PDLIM1: variants seen among roughly 807,000 people sequenced by gnomAD.
The protein encoded by PDLIM1 is PDZ and LIM domain 1, also known as PDZ and LIM domain protein 1.
Under a neutral mutation model 35.2 loss-of-function variants are expected in PDLIM1, and 25 were observed. The ratio of observed to expected loss-of-function variants is 0.71; its 90% CI spans 0.52 to 0.99. The LOEUF is 0.99. Among genes scored for constraint, PDLIM1 ranks in the 50% least tolerant of loss-of-function variants. The pLI is 0.00. For synonymous variants in PDLIM1, 152 were observed against 154.0 expected, an observed-to-expected ratio of 0.99 and a Z score of 0.10; for missense variants, 363 against 415.3, an observed-to-expected ratio of 0.87 and a Z score of 1.09.
At chr10:95,289,992 T>C (rs1287459458) in intron 1 of PDLIM1, among the ~76,000 whole-genome samples, 4 of 152,172 alleles carry the variant, frequency 2.6e-5, no homozygotes, top group African/African-American at 9.7e-5. Flanking sequence ...CCTGGGGGTT[T>C]CACTTTATTA....
At chr10:95,252,812 A>G (rs1461974386) in intron 4 of PDLIM1, among the ~76,000 whole-genome samples, 1 of 152,200 alleles carries the variant, frequency 6.6e-6, no homozygotes, top group East Asian at 1.9e-4. Context: ...TGGAAGGTGA[A>G]TATTAGAAAT....
At chr10:95,247,137 T>C in intron 5 of PDLIM1, 78 bp downstream of exon 5, 18 of 1,322,296 alleles carry the variant, frequency 1.4e-5, no homozygotes, top group Non-Finnish European at 1.9e-5. Flanking sequence ...CAGAGTGTGT[T>C]CACCTGTGCT....
At chr10:95,240,709 A>C (rs755950354) in intron 5 of PDLIM1, among the ~76,000 whole-genome samples, 2 of 152,230 alleles carry the variant, frequency 1.3e-5, no homozygotes, top group Non-Finnish European at 2.9e-5. Context: ...TCACAGATAG[A>C]ACAAAACCAT....
chr10:95,269,951 G>A (rs879550892), intron 2 of PDLIM1, among the ~76,000 whole-genome samples: 1 of 151,964 alleles, frequency 6.6e-6, no homozygotes, highest in Non-Finnish European at 1.5e-5. Context: ...TGGCCAGGCT[G>A]GTCTTGAACT....
chr10:95,268,805 G>T lies in PDLIM1; in HGVS notation c.306C>A (p.Tyr102Ter). ...GGGGTTCAGAGGCTAAATTCATCTT[G>T]TATGGATGACGCTTCCCTTCCTCCG... is the stretch of plus-strand genomic sequence containing the variant. The part of the protein sequence containing the change: ...LVTEEGKRHP[Y>*]KMNLASEPQE... The change falls in exon 3 of 7, where the codon TAC (tyrosine) becomes TAA (stop). Residue 102 changes from tyrosine to a stop codon, truncating the protein, a stop_gained. Transcript: ENST00000329399. LOFTEE classifies it high-confidence loss of function. 6.2e-7 allele frequency: 1 copy of T among 1,612,936 alleles called. No individual in the cohort carries two copies. The highest frequency in any genetic ancestry group is 1.1e-5 in the South Asian group (1 of 91,060).
rs559276866 is a variant in PDLIM1 at position 95,263,570 on chromosome 10, G to A, written c.533+294C>T. ...GGACTATGTTCAATTAGAAGATGAT[G>A]ACCACAGAAATCAAAACACAAATAA... is the stretch of plus-strand genomic sequence containing the variant. On this transcript the variant is annotated intron_variant, in intron 4 of 6. Transcript: ENST00000329399. Among the ~76,000 whole-genome samples, 200 of 152,202 alleles carry A rather than the reference G, an allele frequency of 1.3e-3. 1 individual carries two copies. The highest frequency in any genetic ancestry group is 2.3e-3 in the Non-Finnish European group (155 of 68,044).
At chr10:95,260,555 G>A in intron 4 of PDLIM1, among the ~76,000 whole-genome samples, 1 of 152,134 alleles carries the variant, frequency 6.6e-6, no homozygotes, top group East Asian at 1.9e-4. Context: ...GTGTGCACTG[G>A]GAGGAAGGGC....
chr10:95,289,849 C>T (rs368990740), intron 1 of PDLIM1, among the ~76,000 whole-genome samples: 17 of 152,348 alleles, frequency 1.1e-4, no homozygotes, highest in East Asian at 7.7e-4. Context: ...TCCCTTTCCT[C>T]ATTCGAGGTA....
At chr10:95,245,506 T>C (rs1280812519) in intron 5 of PDLIM1, among the ~76,000 whole-genome samples, 2 of 152,214 alleles carry the variant, frequency 1.3e-5, no homozygotes, top group African/African-American at 4.8e-5. Flanking sequence ...TGGGCACGGA[T>C]GAACTTGACC....
In PDLIM1 at chr10:95,290,711, C is replaced by T; in HGVS notation, c.96+109G>A. ...GCTCAACTAACAGCGCACCTGGACGCGCCCGGCTGCGGTTCCGACTCCGTC... is the reference window on the plus strand; with the variant it reads ...GCTCAACTAACAGCGCACCTGGACGTGCCCGGCTGCGGTTCCGACTCCGTC... On this transcript the variant is annotated intron_variant, in intron 1 of 6. Coordinates refer to ENST00000329399, the MANE Select transcript of PDLIM1 (RefSeq NM_020992.4). This position sits in a 1 kb window ranked among gnomAD's most constrained non-coding sequence, Gnocchi z 4.7. 2 of 598,594 alleles carry T rather than the reference C, an allele frequency of 3.3e-6. No homozygotes were observed. The highest frequency in any genetic ancestry group is 5.3e-6 in the Non-Finnish European group (2 of 374,416). The allele number at this position is 598,594 out of a possible 1,614,324, so 37.1% of individuals were successfully genotyped here. A position where few individuals can be genotyped will look rare whatever the true frequency, so the allele number is the denominator to read the frequency against.
rs75912745 is a variant in PDLIM1 at position 95,253,171 on chromosome 10, A to T, written c.534-5805T>A. Among the ~76,000 whole-genome samples, 1,158 of 152,286 alleles carry T rather than the reference A, an allele frequency of 7.6e-3. 7 individuals carry two copies. The highest frequency in any genetic ancestry group is 0.012 in the Non-Finnish European group (793 of 68,002). The stretch of plus-strand genomic sequence containing the variant: ...CTAGAGGGGAAAACCAATTCAAAAG[A>T]CAGCAGATTTCTTATCAGAATCCAT... On this transcript the variant is annotated intron_variant, in intron 4 of 6. Coordinates refer to ENST00000329399, the MANE Select transcript of PDLIM1 (RefSeq NM_020992.4).
intron 2 of PDLIM1, among the ~76,000 whole-genome samples, chr10:95,269,873 T>C (rs2035447965): frequency 6.6e-6 from 1 of 152,070 alleles, no homozygotes; most frequent in Admixed American, 6.5e-5. Flanking sequence ...GTAGCTGAGA[T>C]TACAGGCACC....
chr10:95,247,707 T>C (rs940674574), intron 4 of PDLIM1: 1 of 180,032 alleles, frequency 5.6e-6, no homozygotes, highest in Admixed American at 6.2e-5. Flanking sequence ...GAAAAAAAAA[T>C]GTCAACCACA....
Position 95,284,511 on chromosome 10 carries a change from G to A in PDLIM1, c.96+6309C>T, listed in dbSNP as rs11188260. Among the ~76,000 whole-genome samples the A allele has an allele frequency of 0.035, 5,246 of 152,042 alleles. 514 individuals carry two copies. In the East Asian group the frequency reaches 0.38, roughly 11 times the overall value. ...TGGAACTACAGGTGCCTGCCACTAC[G>A]CCTGGCTAATTTTTGAATTTTTAGT... is the stretch of plus-strand genomic sequence containing the variant. On this transcript the variant is annotated intron_variant, in intron 1 of 6. Transcript: ENST00000329399.
At chr10:95,265,133 CAA>C in intron 3 of PDLIM1, among the ~76,000 whole-genome samples, 1 of 152,194 alleles carries the variant, frequency 6.6e-6, no homozygotes, top group South Asian at 2.1e-4. Context: ...CAGCTGCCTC[CAA>C]AAGAGTTCCT....
intron 4 of PDLIM1, among the ~76,000 whole-genome samples, chr10:95,252,131 A>G: frequency 6.6e-6 from 1 of 152,126 alleles, no homozygotes; most frequent in Non-Finnish European, 1.5e-5. Context: ...CAACTATCTC[A>G]CTGGGGTAGA....
chr10:95,260,791 C>G (rs1486697863), intron 4 of PDLIM1, among the ~76,000 whole-genome samples: 1 of 152,218 alleles, frequency 6.6e-6, no homozygotes, highest in Non-Finnish European at 1.5e-5. Context: ...GCGAATTTCA[C>G]AGACTAAACA....
chr10:95,249,116 C>T (rs1564598822), intron 4 of PDLIM1, among the ~76,000 whole-genome samples: 1 of 152,240 alleles, frequency 6.6e-6, no homozygotes. Context: ...GGCTCAGTGC[C>T]TGGCACAGGT....
At chr10:95,238,788 TG>T in intron 5 of PDLIM1, 103 bp from the exon 6 acceptor site, 1 of 737,344 alleles carries the variant, frequency 1.4e-6, no homozygotes, top group Admixed American at 2.0e-5. Context: ...AGCAAGGCCA[TG>T]GGAACTGGAG....
Sources: allele counts gnomAD v4.1 joint callset (sites outside exome capture counted in the v4.1 genomes callset), GRCh38; gene constraint gnomAD v4.1.1; non-coding constraint Gnocchi (gnomAD v3.1); transcripts MANE v1.5; gene names NCBI Gene and HGNC (gene_info 2026-07-23, HGNC 2026-07-21).